Variants in NAALADL2 observed in about 807,000 individuals in gnomAD.
NAALADL2 encodes inactive N-acetylated-alpha-linked acidic dipeptidase-like protein 2.
NAALADL2 carries 76 observed loss-of-function variants against 87.2 expected under a neutral mutation model. That is an observed-to-expected ratio of 0.87 (90% confidence interval 0.72 to 1.05). The LOEUF (loss-of-function observed/expected upper bound fraction) is 1.05, where lower values mean the gene tolerates loss of function less well. Among genes scored for constraint, NAALADL2 ranks in the 50% least tolerant of loss-of-function variants. The pLI, the probability that NAALADL2 is intolerant of heterozygous loss-of-function variation, is 0.00. For synonymous variants in NAALADL2, 354 were observed against 331.0 expected (o/e 1.07, Z -0.75); for missense variants, 1,089 against 945.8 (o/e 1.15, Z -1.99).
chr3:175,311,002 C>CT (rs1758294235), intron 4 of NAALADL2, among the ~76,000 whole-genome samples: 1 of 151,542 alleles, frequency 6.6e-6, no homozygotes, highest in Admixed American at 6.6e-5. Context: ...ATGTTTCCCC[C>CT]GCAATATTGG....
chr3:175,095,362 G>T (rs951390065), intron 1 of NAALADL2, among the ~76,000 whole-genome samples: 1 of 151,812 alleles, frequency 6.6e-6, no homozygotes, highest in African/African-American at 2.4e-5. Context: ...GATTTGATGG[G>T]TCGCTATTTG....
chr3:175,582,654 T>C (rs1719950422), intron 10 of NAALADL2, among the ~76,000 whole-genome samples: 1 of 152,214 alleles, frequency 6.6e-6, no homozygotes, highest in African/African-American at 2.4e-5. Flanking sequence ...CCAGCAGTTA[T>C]TAAGCACTTG....
intron 3 of NAALADL2, among the ~76,000 whole-genome samples, chr3:174,808,853 G>GGTGTATGTGTAT (rs59689653): frequency 6.6e-6 from 1 of 151,294 alleles, no homozygotes; most frequent in Non-Finnish European, 1.5e-5. Context: ...GGTGGTGCCT[G>GGTGTATGTGTAT]GTGTATGTGT....
At chr3:174,992,308 G>T (rs747016206) in intron 1 of NAALADL2, among the ~76,000 whole-genome samples, 4 of 152,054 alleles carry the variant, frequency 2.6e-5, no homozygotes, top group Non-Finnish European at 4.4e-5. Context: ...AGGATCAGTT[G>T]TGATAAGATC....
chr3:175,474,697 T>C (rs111512498), intron 9 of NAALADL2, among the ~76,000 whole-genome samples: 3,732 of 149,150 alleles, frequency 0.025, 154 homozygotes, highest in African/African-American at 0.082. Flanking sequence ...GCTGCTGGCA[T>C]TGGGGGGAGG....
intron 5 of NAALADL2, among the ~76,000 whole-genome samples, chr3:175,417,221 T>G (rs1175370013): frequency 3.3e-5 from 5 of 150,634 alleles, no homozygotes; most frequent in African/African-American, 1.2e-4. Context: ...GACAAGACAA[T>G]GTAAACTATA....
intron 9 of NAALADL2, among the ~76,000 whole-genome samples, chr3:175,498,116 AAC>A: frequency 6.6e-6 from 1 of 152,118 alleles, no homozygotes; most frequent in Non-Finnish European, 1.5e-5. Context: ...TGAACTTGAA[AAC>A]AGACTATTAC....
At chr3:174,635,880 A>AT (rs1722596048) in intron 2 of NAALADL2, among the ~76,000 whole-genome samples, 1 of 152,126 alleles carries the variant, frequency 6.6e-6, no homozygotes, top group Admixed American at 6.5e-5. Context: ...TATTGATGAC[A>AT]TTTTTATATG....
chr3:175,629,475 C>T (rs1410517798), intron 11 of NAALADL2, among the ~76,000 whole-genome samples: 2 of 151,044 alleles, frequency 1.3e-5, no homozygotes, highest in East Asian at 1.9e-4. Flanking sequence ...TTAAGCAAAA[C>T]ATTAGAGAAT....
chr3:174,489,496 C>A (rs1718050189), intron 1 of NAALADL2, among the ~76,000 whole-genome samples: 1 of 151,876 alleles, frequency 6.6e-6, no homozygotes, highest in South Asian at 2.1e-4. Flanking sequence ...AATTAGAGTT[C>A]ATCAAAATAA....
At chr3:174,988,245 A>G (rs1746244871) in intron 1 of NAALADL2, among the ~76,000 whole-genome samples, 1 of 152,162 alleles carries the variant, frequency 6.6e-6, no homozygotes, top group Non-Finnish European at 1.5e-5. Context: ...TTACTATTTT[A>G]CAGTTGAAGT....
At position 174,616,559 on chromosome 3, in the gene NAALADL2, CAT is replaced by C. The variant is rs546548438; in HGVS notation, c.-115+65924_-115+65925del. Among the ~76,000 whole-genome samples, 17 of 151,980 alleles carry C rather than the reference CAT, an allele frequency of 1.1e-4. No homozygotes were observed. In the East Asian group the frequency reaches 3.3e-3, roughly 29 times the overall value. On this transcript the variant is annotated intron_variant, in intron 2 of 3. Transcript: ENST00000434257. Reference sequence around the variant, plus strand: ...ACTAAGAAATGTATGTATATTCCCTCATAGAATAATGTAGGAAGCTGTGTACT... The same window carrying C: ...ACTAAGAAATGTATGTATATTCCCTCAGAATAATGTAGGAAGCTGTGTACT...
chr3:175,016,848 A>G (rs1560480433), intron 1 of NAALADL2, among the ~76,000 whole-genome samples: 1 of 152,008 alleles, frequency 6.6e-6, no homozygotes, highest in Non-Finnish European at 1.5e-5. Context: ...TGGCACATTC[A>G]TATTATGTGT....
intron 2 of NAALADL2, among the ~76,000 whole-genome samples, chr3:175,155,251 T>C (rs1047718582): frequency 7.2e-5 from 11 of 152,260 alleles, no homozygotes; most frequent in African/African-American, 2.6e-4. Context: ...AAAGTGCAAC[T>C]GGGGCTGAGA....
intron 1 of NAALADL2, among the ~76,000 whole-genome samples, chr3:174,961,134 A>G (rs1741929934): frequency 6.7e-6 from 1 of 148,364 alleles, no homozygotes. Flanking sequence ...TTAATAAAAT[A>G]TATAATAATA....
At chr3:175,011,746 A>G (rs1749854641) in intron 1 of NAALADL2, among the ~76,000 whole-genome samples, 1 of 152,194 alleles carries the variant, frequency 6.6e-6, no homozygotes, top group Non-Finnish European at 1.5e-5. Flanking sequence ...GCTATGTGCC[A>G]AGAGACCCAA....
At chr3:174,666,434 T>A (rs1725961406) in intron 2 of NAALADL2, among the ~76,000 whole-genome samples, 1 of 113,926 alleles carries the variant, frequency 8.8e-6, no homozygotes, top group South Asian at 2.5e-4. Context: ...TATCGTAGCA[T>A]AAAATTTATT....
chr3:175,534,846 C>G (rs570204312), intron 9 of NAALADL2, among the ~76,000 whole-genome samples: 11 of 151,682 alleles, frequency 7.3e-5, no homozygotes, highest in Non-Finnish European at 1.6e-4. Flanking sequence ...TGGTTTATCT[C>G]AAAGTTACAC....
intron 1 of NAALADL2, among the ~76,000 whole-genome samples, chr3:175,075,825 C>T (rs183422381): frequency 1.1e-3 from 171 of 152,042 alleles, no homozygotes; most frequent in Middle Eastern, 0.01. Flanking sequence ...AAACTAACTA[C>T]GAACGCACAG....
Sources: gnomAD v4.1 joint callset for allele counts (sites outside exome capture counted in the v4.1 genomes callset) on GRCh38, gnomAD v4.1.1 for gene constraint, MANE v1.5 for transcripts, NCBI Gene and HGNC (gene_info 2026-07-23, HGNC 2026-07-21) for gene names.